Variants in CEP76 observed in about 807,000 individuals in gnomAD.
CEP76 encodes the protein centrosomal protein 76.
CEP76 carries 55 observed loss-of-function variants against 83.3 expected under a neutral mutation model. That is an observed-to-expected ratio of 0.66 (90% CI 0.53 to 0.83). CEP76 has a LOEUF of 0.83. CEP76 is among the 40% of genes least tolerant of loss of function. The probability of loss-of-function intolerance (pLI) is 0.00; values close to 1 mark genes in which losing one functional copy is unlikely to be tolerated. For missense variants in CEP76, 694 were observed against 799.5 expected (o/e 0.87, Z 1.59); for synonymous variants, 270 against 274.5 (o/e 0.98, Z 0.16).
chr18:12,683,462 C>G (rs2039423744), intron 8 of CEP76, among the ~76,000 whole-genome samples: 1 of 151,622 alleles, frequency 6.6e-6, no homozygotes, highest in African/African-American at 2.4e-5. Context: ...TGTATATTGA[C>G]TCAAGGAAAC....
At chr18:12,675,257 G>A (rs1173958169) in intron 10 of CEP76, among the ~76,000 whole-genome samples, 3 of 152,052 alleles carry the variant, frequency 2.0e-5, no homozygotes, top group African/African-American at 4.8e-5. Context: ...TGAGTTGGGC[G>A]TGGTGGCGGG....
At chr18:12,675,269 G>A (rs1246530505) in intron 10 of CEP76, among the ~76,000 whole-genome samples, 1 of 152,050 alleles carries the variant, frequency 6.6e-6, no homozygotes, top group Non-Finnish European at 1.5e-5. Flanking sequence ...GGTGGCGGGT[G>A]CATGTAGTCC....
In CEP76 at chr18:12,683,186, C is replaced by CAAAAAAAAA. The variant is rs765652085; in HGVS notation, c.1123-2367_1123-2359dup. ...GAAACCCCATCTCTACTAAAAATAC[C>CAAAAAAAAA]AAAAAAAAAAAAAAAAAAGCCAGGC... is the stretch of plus-strand genomic sequence containing the variant. On this transcript the variant is annotated intron_variant, in intron 8 of 11. Transcript: ENST00000262127. 5.5e-4 allele frequency among the ~76,000 whole-genome samples: 35 copies of CAAAAAAAAA among 63,650 alleles called. 2 individuals are homozygous for CAAAAAAAAA. Among genetic ancestry groups the CAAAAAAAAA allele is most frequent in the African/African-American group, 1.7e-3 (29 of 16,982 alleles). 41.8% of individuals were successfully genotyped at this position (63,650 alleles called of 152,430 possible).
intron 8 of CEP76, among the ~76,000 whole-genome samples, chr18:12,683,027 G>T (rs2039405474): frequency 6.6e-6 from 1 of 151,796 alleles, no homozygotes; most frequent in African/African-American, 2.4e-5. Flanking sequence ...GTTCATTCAT[G>T]GCAACATTAA....
chr18:12,675,731 C>T (rs546995541), intron 10 of CEP76, among the ~76,000 whole-genome samples: 36 of 152,034 alleles, frequency 2.4e-4, no homozygotes, highest in East Asian at 3.9e-4. Context: ...TGCAGTGGCG[C>T]GATCTCGGCT....
At chr18:12,675,771 C>A (rs376909703) in intron 10 of CEP76, among the ~76,000 whole-genome samples, 1 of 151,756 alleles carries the variant, frequency 6.6e-6, no homozygotes, top group East Asian at 2.0e-4. Flanking sequence ...CAGGTTCAAG[C>A]GATTCTCCTG....
downstream of CEP76, among the ~76,000 whole-genome samples, chr18:12,668,921 A>G (rs146674640): frequency 1.3e-5 from 2 of 148,818 alleles, no homozygotes; most frequent in African/African-American, 4.9e-5. Flanking sequence ...TTGTATTTTT[A>G]GTAGAGACGG....
In CEP76 at chr18:12,691,497, GA is replaced by G; in HGVS notation, c.805-11del. On this transcript the variant is annotated splice_polypyrimidine_tract_variant and intron_variant, in intron 6 of 11. Transcript: ENST00000262127. ...GACGTTCCAAAGCAAGCTTGAAATT[GA>G]AAAAAATATTTTTCAATTTCTATTC... 2 of 1,569,494 alleles carry G rather than the reference GA, an allele frequency of 1.3e-6. No individual in the cohort carries two copies. The highest frequency in any genetic ancestry group is 1.7e-6 in the Non-Finnish European group (2 of 1,161,880).
upstream of CEP76, chr18:12,702,740 C>G (rs2039515860): frequency 1.6e-6 from 1 of 619,558 alleles, no homozygotes. Context: ...CCGGCGGCGG[C>G]GGCGCCAACT....
downstream of CEP76, chr18:12,670,320 AC>A (rs1018869475): frequency 6.6e-6 from 1 of 151,458 alleles, no homozygotes. Context: ...ACAGAGTGAG[AC>A]TCTGTCTCAA....
intron 12 of CEP76, among the ~76,000 whole-genome samples, chr18:12,662,823 T>G (rs2038723680): frequency 6.6e-6 from 1 of 152,138 alleles, no homozygotes; most frequent in Admixed American, 6.6e-5. Context: ...AGGATTGAGA[T>G]AAAATGTGTG....
At position 12,680,848 on chromosome 18, in the gene CEP76, G is replaced by A. The variant is rs1336283541; in HGVS notation, c.1123-20C>T. ...GTCACCCTGGAAGATAAATTAAAAT[G>A]AAGTATTCATTCTTCCATATTATTT... is the stretch of plus-strand genomic sequence containing the variant. On this transcript the variant is annotated intron_variant, in intron 8 of 11. Coordinates refer to ENST00000262127, the MANE Select transcript of CEP76 (RefSeq NM_024899.4). 2 of 1,591,462 alleles carry A rather than the reference G, an allele frequency of 1.3e-6. No homozygotes were observed. Among genetic ancestry groups the A allele is most frequent in the Admixed American group, 1.8e-5 (1 of 55,304 alleles).
intron 12 of CEP76, among the ~76,000 whole-genome samples, chr18:12,663,992 C>T (rs1469732800): frequency 1.3e-5 from 2 of 152,170 alleles, no homozygotes; most frequent in Non-Finnish European, 2.9e-5. Context: ...TGGAGAAACC[C>T]TGTCTCTACT....
intron 12 of CEP76, among the ~76,000 whole-genome samples, chr18:12,664,698 CTTTT>C (rs76222169): frequency 1.5e-5 from 2 of 137,610 alleles, no homozygotes. Context: ...TTGTCCTGAT[CTTTT>C]TTTTTTTTTT....
chr18:12,694,593 G>C (rs2039881395), intron 6 of CEP76, among the ~76,000 whole-genome samples: 3 of 152,174 alleles, frequency 2.0e-5, no homozygotes, highest in African/African-American at 7.2e-5. Context: ...AGAGAACAGA[G>C]CAGAAAAGAC....
intron 12 of CEP76, among the ~76,000 whole-genome samples, chr18:12,664,010 C>CA: frequency 6.6e-6 from 1 of 152,090 alleles, no homozygotes; most frequent in South Asian, 2.1e-4. Context: ...ACTAAAAATA[C>CA]AAAATTAGCT....
chr18:12,701,150 C>T, intron 1 of CEP76, 37 bp from the exon 2 acceptor site: 1 of 1,534,204 alleles, frequency 6.5e-7, no homozygotes. Flanking sequence ...TATAACATCA[C>T]AAAGCAGTCA....
intron 6 of CEP76, among the ~76,000 whole-genome samples, chr18:12,693,644 G>A (rs762963532): frequency 5.9e-5 from 9 of 152,006 alleles, no homozygotes; most frequent in Non-Finnish European, 1.3e-4. Context: ...TTAGCTGGGC[G>A]TGGTGGCACC....
chr18:12,670,057 C>T (rs1432790212), downstream of CEP76, among the ~76,000 whole-genome samples: 8 of 148,282 alleles, frequency 5.4e-5, no homozygotes, highest in South Asian at 2.2e-4. Flanking sequence ...AGGCCAGGTG[C>T]GATGGTCCAT....
Sources: allele counts gnomAD v4.1 joint callset (sites outside exome capture counted in the v4.1 genomes callset), GRCh38; gene constraint gnomAD v4.1.1; transcripts MANE v1.5; gene names NCBI Gene and HGNC (gene_info 2026-07-23, HGNC 2026-07-21).